The following MYO18A variants were observed in gnomAD, a reference collection of about 807,000 sequenced individuals.
MYO18A encodes the protein unconventional myosin-XVIIIa.
A neutral mutation model predicts 235.8 loss-of-function variants in MYO18A; 78 were observed. The observed-to-expected ratio is 0.33, with a 90% CI of 0.28 to 0.40. The LOEUF is 0.40. Ranked by LOEUF, MYO18A falls within the 10% of genes least tolerant of loss-of-function variation. The pLI is 1.00. For missense variants in MYO18A, 2,215 were observed against 2,699.3 expected, an observed-to-expected ratio of 0.82 and a Z score of 3.98; for synonymous variants, 977 against 1,077.8, an observed-to-expected ratio of 0.91 and a Z score of 1.83.
At chr17:29,090,646 G>A (rs2066375294) in intron 35 of MYO18A, 31 bp from the exon 36 acceptor site, 1 of 1,587,702 alleles carries the variant, frequency 6.3e-7, no homozygotes, top group Non-Finnish European at 8.6e-7. Context: ...TCAGAAGCAG[G>A]ATCCCCCATA....
At position 29,143,595 on chromosome 17, in the gene MYO18A, T is replaced by C. The variant is rs1014391647; in HGVS notation, c.1000-21342A>G. Among the ~76,000 whole-genome samples, 5 of 152,140 alleles carry C rather than the reference T, an allele frequency of 3.3e-5. No individual in the cohort carries two copies. In the East Asian group the frequency reaches 7.7e-4, roughly 23 times the overall value. On this transcript the variant is annotated intron_variant, in intron 2 of 41. Coordinates refer to ENST00000527372, the MANE Select transcript of MYO18A (RefSeq NM_078471.4). ...CTATGATCATAAGCGGGGGAAAAAA[T>C]GAGGCATTGTAAGCAAAATTTCCAG...
chr17:29,114,347 T>C (rs2067006065), intron 14 of MYO18A: 1 of 483,608 alleles, frequency 2.1e-6, no homozygotes, highest in African/African-American at 2.0e-5. Context: ...ATGAGTTGAT[T>C]AGGCAACACA....
At chr17:29,163,819 A>G (rs2068223924) in intron 2 of MYO18A, among the ~76,000 whole-genome samples, 1 of 152,246 alleles carries the variant, frequency 6.6e-6, no homozygotes, top group Non-Finnish European at 1.5e-5. Flanking sequence ...CTTTAAGAAG[A>G]AAATTCCATC....
intron 20 of MYO18A, among the ~76,000 whole-genome samples, chr17:29,103,909 C>T (rs1305832274): frequency 6.6e-6 from 1 of 152,238 alleles, no homozygotes; most frequent in Non-Finnish European, 1.5e-5. Context: ...CAGGAGGTCG[C>T]ACCTACGCAA....
At chr17:29,098,015 T>C in intron 25 of MYO18A, 90 bp downstream of exon 25, 2 of 1,580,276 alleles carry the variant, frequency 1.3e-6, no homozygotes, top group Non-Finnish European at 1.7e-6. Context: ...GGGCTAGGGG[T>C]GAAGATGCCA....
Position 29,110,018 on chromosome 17 carries a change from C to T in MYO18A, c.3171G>A (p.Glu1057=), listed in dbSNP as rs773187794. The T allele has an allele frequency of 6.2e-6, 10 of 1,612,932 alleles. No homozygotes were observed. Among genetic ancestry groups the T allele is most frequent in the Non-Finnish European group, 8.5e-6 (10 of 1,179,712 alleles). The change falls in exon 19 of 42, where the codon GAG becomes GAA. Residue 1057 remains glutamate, a synonymous_variant. Coordinates refer to ENST00000527372, the MANE Select transcript of MYO18A (RefSeq NM_078471.4). ...CTCGGCGGGAGGAGGCGGAACGGGG[C>T]TCCCCAGCCCAGCCCTCAGCTACAG... ...FLPVAEGWAG[E]PRSASSRRVS... is the part of the protein sequence containing the mutation.
rs781078739 is a variant in MYO18A at position 29,115,702 on chromosome 17, C to A, written c.2189G>T (p.Arg730Leu). The A allele has an allele frequency of 5.0e-6, 8 of 1,606,354 alleles. No individual in the cohort carries two copies. In the South Asian group the frequency reaches 5.6e-5, roughly 11 times the overall value. The change falls in exon 12 of 42, where the codon CGC becomes CTC. Residue 730 changes from arginine (R) to leucine (L), a missense_variant. Physicochemically the swap from Arg to Leu is moderately radical, Grantham distance 102. Coordinates refer to ENST00000527372, the MANE Select transcript of MYO18A (RefSeq NM_078471.4). ...CAGGCCACTCTCCTCGGGGCCCTGG[C>A]GGAAGGAGGTGGAGCGCTGCAGGGT... is the stretch of plus-strand genomic sequence containing the variant. Reference protein sequence around the residue: ...GGTLQRSTSFRQGPEESGLGD... With the variant: ...GGTLQRSTSFLQGPEESGLGD...
intron 2 of MYO18A, among the ~76,000 whole-genome samples, chr17:29,141,689 G>A (rs2067742902): frequency 6.6e-6 from 1 of 152,206 alleles, no homozygotes; most frequent in South Asian, 2.1e-4. Context: ...CAGACTCTTA[G>A]GACACGGCGC....
In MYO18A at chr17:29,166,844, G is replaced by T. The variant is rs1399031927; in HGVS notation, c.97C>A (p.Leu33Ile). The T allele has an allele frequency of 6.3e-6, 10 of 1,577,198 alleles. No individual in the cohort carries two copies. The East Asian group carries it at 2.1e-4, about 33-fold the overall frequency. The change falls in exon 2 of 42, where the codon CTT becomes ATT. Residue 33 changes from leucine to isoleucine, a missense_variant. Leu to Ile is a conservative substitution (Grantham distance 5). Coordinates refer to ENST00000527372, the MANE Select transcript of MYO18A (RefSeq NM_078471.4). ...AGGCTCATCTCCTCCAGGCTCCGAA[G>T]CTCTGCCGCTGACATCCGCTCCTTT... ...EKKERMSAAE[L>I]RSLEEMSLRR...
At chr17:29,176,884 G>GGCCGGCGCAGCCGC (rs1431986607) in intron 1 of MYO18A, 1 of 152,126 alleles carries the variant, frequency 6.6e-6, no homozygotes, top group African/African-American at 2.4e-5. Context: ...CCCGCGGCTG[G>GGCCGGCGCAGCCGC]GCCGGCGCAG....
chr17:29,107,880 C>T (rs1207620582), intron 19 of MYO18A, among the ~76,000 whole-genome samples: 3 of 147,864 alleles, frequency 2.0e-5, no homozygotes, highest in African/African-American at 7.6e-5. Context: ...CACACCACTG[C>T]ACTCCAGCCT....
rs376302689 is a variant in MYO18A at position 29,171,363 on chromosome 17, G to C, written c.-81-4342C>G. On this transcript the variant is annotated intron_variant, in intron 1 of 41. Transcript: ENST00000527372. ...GAGGCAGGAGAATCGCTTGAACCTG[G>C]GAGGCGGAGGTTGCAGTGAGCCAAG... Among the ~76,000 whole-genome samples the C allele has an allele frequency of 3.3e-5, 5 of 152,054 alleles. No individual in the cohort carries two copies. In the East Asian group the frequency reaches 5.8e-4, roughly 18 times the overall value.
intron 15 of MYO18A, among the ~76,000 whole-genome samples, chr17:29,113,228 T>C (rs548112481): frequency 3.7e-4 from 57 of 152,290 alleles, no homozygotes; most frequent in Admixed American, 1.4e-3. Context: ...GCCCCACCAC[T>C]TGTGCAAGCC....
chr17:29,120,846 G>T lies in MYO18A; in HGVS notation c.1586-88C>A. On this transcript the variant is annotated intron_variant, in intron 6 of 41. Transcript: ENST00000527372. The surrounding 1 kb of genome is among the most constrained non-coding windows in gnomAD (Gnocchi z 4.2). ...AGCTACCCCAGAGGTATGAAGGCTTGGGGCCATTCAGACCAGAACTGCCCG... is the reference window on the plus strand; with the variant it reads ...AGCTACCCCAGAGGTATGAAGGCTTTGGGCCATTCAGACCAGAACTGCCCG... The T allele has an allele frequency of 6.4e-7, 1 of 1,568,516 alleles. No homozygotes were observed. Among genetic ancestry groups the T allele is most frequent in the Non-Finnish European group, 8.7e-7 (1 of 1,154,316 alleles).
chr17:29,114,333 T>C, intron 14 of MYO18A: 1 of 512,774 alleles, frequency 2.0e-6, no homozygotes, highest in Non-Finnish European at 3.5e-6. Flanking sequence ...TTCTCATTAC[T>C]CACATGAGTT....
rs562184666 is a variant in MYO18A at position 29,106,835 on chromosome 17, G to A, written c.3441+245C>T. On this transcript the variant is annotated intron_variant, in intron 20 of 41. Coordinates refer to ENST00000527372, the MANE Select transcript of MYO18A (RefSeq NM_078471.4). This position sits in a 1 kb window ranked among gnomAD's most constrained non-coding sequence, Gnocchi z 4.6. ...CCCTCAGTGCGCCCAGGCCCTGCTC[G>A]CTCCTGGATGATTGTCTGGCTCACC... Among the ~76,000 whole-genome samples, 8 of 152,262 alleles carry A rather than the reference G, an allele frequency of 5.3e-5. No individual in the cohort carries two copies. Among genetic ancestry groups the A allele is most frequent in the Admixed American group, 2.6e-4 (4 of 15,304 alleles).
In MYO18A at chr17:29,136,247, AAAAAT is replaced by A. The variant is rs1268960343; in HGVS notation, c.1000-13999_1000-13995del. Among the ~76,000 whole-genome samples the A allele has an allele frequency of 6.6e-3, 474 of 72,096 alleles. 1 individual carries two copies. Among genetic ancestry groups the A allele is most frequent in the South Asian group, 0.015 (28 of 1,930 alleles). 47.3% of individuals were successfully genotyped at this position (72,096 alleles called of 152,430 possible). ...CCCCATCTCAAAAGAAAAAAAAAAA[AAAAAT>A]ATATATATATATATATATATATGTA... On this transcript the variant is annotated intron_variant, in intron 2 of 41. Transcript: ENST00000527372.
chr17:29,147,438 A>T (rs939457706), intron 2 of MYO18A, among the ~76,000 whole-genome samples: 2 of 152,036 alleles, frequency 1.3e-5, no homozygotes, highest in African/African-American at 4.8e-5. Context: ...GGATCACCTG[A>T]GCCCAGGGAA....
intron 2 of MYO18A, among the ~76,000 whole-genome samples, chr17:29,159,253 A>G (rs1567639999): frequency 2.6e-5 from 4 of 151,448 alleles, no homozygotes; most frequent in Admixed American, 2.6e-4. Context: ...GCATCCCACT[A>G]CTCCACAATA....
Sources: gnomAD v4.1 joint callset for allele counts (sites outside exome capture counted in the v4.1 genomes callset) on GRCh38, gnomAD v4.1.1 for gene constraint, Gnocchi (gnomAD v3.1) non-coding constraint, MANE v1.5 for transcripts, NCBI Gene and HGNC (gene_info 2026-07-23, HGNC 2026-07-21) for gene names.